Variants in ABI3BP observed in about 807,000 individuals in gnomAD.
The protein encoded by ABI3BP is target of Nesh-SH3.
ABI3BP carries 216 observed loss-of-function variants against 268.6 expected under a neutral mutation model. The observed-to-expected ratio is 0.80, with a 90% CI of 0.72 to 0.90. The LOEUF is 0.90. Among genes scored for constraint, ABI3BP ranks in the 40% least tolerant of loss-of-function variants. The probability of loss-of-function intolerance (pLI) is 0.00; values close to 1 mark genes in which losing one functional copy is unlikely to be tolerated. For missense variants in ABI3BP, 2,090 were observed against 2,182.4 expected (o/e 0.96, Z 0.84); for synonymous variants, 730 against 730.0 (o/e 1.00, Z 0.00).
intron 6 of ABI3BP, among the ~76,000 whole-genome samples, chr3:100,883,362 C>G (rs968733158): frequency 1.3e-5 from 2 of 151,998 alleles, no homozygotes; most frequent in African/African-American, 2.4e-5. Context: ...CAAACTTAAG[C>G]TATAACAAAT....
At chr3:100,800,542 C>T (rs1241286615) in intron 51 of ABI3BP, among the ~76,000 whole-genome samples, 2 of 151,664 alleles carry the variant, frequency 1.3e-5, no homozygotes, top group East Asian at 1.9e-4. Flanking sequence ...GGTGTGATCT[C>T]GGCTCACTGC....
rs773556832 is a variant in ABI3BP, at chr3:100,775,250, T to G, written c.4419A>C (p.Thr1473=). Residue 1473 remains threonine, a synonymous_variant, in exon 60 of 68, where the codon ACA becomes ACC. Transcript: ENST00000471714. ...PTGTPLERIE[T]DIKQPTVPAS... The stretch of plus-strand genomic sequence containing the variant: ...CAGGAACTGTTGGTTGCTTTATATC[T>G]GTCTCTATTCTCTCCAAGGGAGTTC... The G allele has an allele frequency of 3.1e-6, 5 of 1,611,672 alleles. No individual in the cohort carries two copies. The African/African-American group carries it at 5.3e-5, about 17-fold the overall frequency.
At chr3:100,946,698 G>A (rs2072531541) in intron 1 of ABI3BP, among the ~76,000 whole-genome samples, 1 of 151,004 alleles carries the variant, frequency 6.6e-6, no homozygotes, top group Non-Finnish European at 1.5e-5. Context: ...TAAGGCAGGA[G>A]AATCACTTGA....
intron 20 of ABI3BP, among the ~76,000 whole-genome samples, chr3:100,842,922 CT>C (rs2152950751): frequency 6.6e-6 from 1 of 152,282 alleles, no homozygotes; most frequent in East Asian, 1.9e-4. Context: ...ATCAATGTGG[CT>C]TTCATAGACC....
intron 1 of ABI3BP, among the ~76,000 whole-genome samples, chr3:100,963,411 T>C (rs749456497): frequency 1.1e-4 from 17 of 152,308 alleles, no homozygotes; most frequent in Middle Eastern, 3.4e-3. Context: ...CTTAATATCT[T>C]ACAAATTTAT....
chr3:100,773,059 C>A (rs1381049420), intron 61 of ABI3BP, among the ~76,000 whole-genome samples: 3 of 132,856 alleles, frequency 2.3e-5, no homozygotes, highest in Middle Eastern at 4.4e-3. Flanking sequence ...GCCTGGGCAA[C>A]AGAGCGAGAG....
rs575984632 is a variant in ABI3BP at position 100,750,082 on chromosome 3, A to G, written c.*413T>C. 61 of 242,824 alleles carry G rather than the reference A, an allele frequency of 2.5e-4. No homozygotes were observed. The highest frequency in any genetic ancestry group is 1.3e-3 in the African/African-American group (58 of 45,484). The allele number at this position is 242,824 out of a possible 1,614,324, so 15.0% of individuals were successfully genotyped here. On this transcript the variant is annotated 3_prime_UTR_variant, in exon 68 of 68. Coordinates refer to ENST00000471714, the MANE Select transcript of ABI3BP (RefSeq NM_001375547.2). ...TGATCCAATAAGTTAAACTAAGTAG[A>G]GATTTATGGAATTAACTCATCAATA... is the stretch of plus-strand genomic sequence containing the variant.
At chr3:100,861,436 T>C (rs2098997342) in intron 14 of ABI3BP, among the ~76,000 whole-genome samples, 1 of 152,104 alleles carries the variant, frequency 6.6e-6, no homozygotes. Context: ...ATACACTATA[T>C]GATATGTACC....
At chr3:100,918,841 T>G (rs566288743) in intron 2 of ABI3BP, among the ~76,000 whole-genome samples, 3 of 152,328 alleles carry the variant, frequency 2.0e-5, no homozygotes, top group East Asian at 3.9e-4. Context: ...TGAGAGGCAG[T>G]AGAACACAGT....
chr3:100,792,129 A>G (rs1035867347), intron 55 of ABI3BP, among the ~76,000 whole-genome samples: 2 of 151,964 alleles, frequency 1.3e-5, no homozygotes, highest in Middle Eastern at 3.2e-3. Context: ...AGCTTTGTGT[A>G]GGCGAGTTCA....
At chr3:100,780,773 A>C (rs1439477653) in intron 57 of ABI3BP, among the ~76,000 whole-genome samples, 1 of 152,120 alleles carries the variant, frequency 6.6e-6, no homozygotes, top group Non-Finnish European at 1.5e-5. Flanking sequence ...CTAACTCAAA[A>C]TTACTGTTTG....
rs186347411 is a variant in ABI3BP at position 100,958,910 on chromosome 3, C to T, written c.80-32429G>A. ...CCTCATGGTTACTTACAGAAAAGAT[C>T]GGAAGCAGCAAGAGAGTTCTGAGAA... On this transcript the variant is annotated intron_variant, in intron 1 of 67. Coordinates refer to ENST00000471714, the MANE Select transcript of ABI3BP (RefSeq NM_001375547.2). Among the ~76,000 whole-genome samples, 6 of 152,270 alleles carry T rather than the reference C, an allele frequency of 3.9e-5. No homozygotes were observed. The East Asian group carries it at 7.7e-4, about 20-fold the overall frequency.
Position 100,876,426 on chromosome 3 carries a change from C to A in ABI3BP, c.745+86G>T, listed in dbSNP as rs955904394. ...TCAAAAAAAAAATCAATTAAAAAAT[C>A]GAGAAAATATGTGCCGTGTTTGATT... is the stretch of plus-strand genomic sequence containing the variant. On this transcript the variant is annotated intron_variant, in intron 7 of 67. Coordinates refer to ENST00000471714, the MANE Select transcript of ABI3BP (RefSeq NM_001375547.2). 1.5e-5 allele frequency: 18 copies of A among 1,209,328 alleles called. No individual in the cohort carries two copies. In the African/African-American group the frequency reaches 2.2e-4, roughly 15 times the overall value. The allele number at this position is 1,209,328 out of a possible 1,614,324, so 74.9% of individuals were successfully genotyped here. A position where few individuals can be genotyped will look rare whatever the true frequency, so the allele number is the denominator to read the frequency against.
intron 44 of ABI3BP, among the ~76,000 whole-genome samples, 193 bp downstream of exon 44, chr3:100,815,719 T>C (rs2098016340): frequency 6.6e-6 from 1 of 152,130 alleles, no homozygotes; most frequent in South Asian, 2.1e-4. Context: ...ACAGCTGTCC[T>C]TCACTGGGTC....
chr3:100,751,080 C>G (rs1215467676), intron 67 of ABI3BP, among the ~76,000 whole-genome samples: 1 of 152,134 alleles, frequency 6.6e-6, no homozygotes, highest in Non-Finnish European at 1.5e-5. Context: ...CATTACACAG[C>G]TTGGTGCCAA....
chr3:100,846,801 C>G (rs2098774250), intron 19 of ABI3BP, among the ~76,000 whole-genome samples: 1 of 152,036 alleles, frequency 6.6e-6, no homozygotes, highest in African/African-American at 2.4e-5. Flanking sequence ...TCAATCTCAT[C>G]TAAGTCTGAG....
chr3:100,786,667 G>C (rs922987279), intron 57 of ABI3BP, among the ~76,000 whole-genome samples: 1 of 152,162 alleles, frequency 6.6e-6, no homozygotes, highest in African/African-American at 2.4e-5. Flanking sequence ...AAGGATCTGA[G>C]AGAAGGTGGC....
In ABI3BP at chr3:100,973,639, G is replaced by T. The variant is rs115968278; in HGVS notation, c.79+19667C>A. 2.4e-3 allele frequency among the ~76,000 whole-genome samples: 358 copies of T among 152,174 alleles called. 2 individuals are homozygous for T. Among genetic ancestry groups the T allele is most frequent in the African/African-American group, 8.0e-3 (334 of 41,518 alleles). On this transcript the variant is annotated intron_variant, in intron 1 of 67. Transcript: ENST00000471714. ...ATAAGGGCAATAATTTCTGCATAAC[G>T]TGAGATGCTCAGATTTAGCTAGCAT...
intron 34 of ABI3BP, among the ~76,000 whole-genome samples, chr3:100,827,580 A>G (rs1237551294): frequency 6.6e-6 from 1 of 152,170 alleles, no homozygotes; most frequent in South Asian, 2.1e-4. Context: ...CTTAAAAAAA[A>G]TCTTTAGCTT....
Sources: allele counts gnomAD v4.1 joint callset (sites outside exome capture counted in the v4.1 genomes callset), GRCh38; gene constraint gnomAD v4.1.1; transcripts MANE v1.5; gene names NCBI Gene and HGNC (gene_info 2026-07-23, HGNC 2026-07-21).